The following PDK1 variants were observed in gnomAD, a reference collection of about 807,000 sequenced individuals.
PDK1 encodes the protein pyruvate dehydrogenase kinase 1, also known as [Pyruvate dehydrogenase (acetyl-transferring)] kinase isozyme 1, mitochondrial.
A neutral mutation model predicts 54.2 loss-of-function variants in PDK1; 39 were observed. The observed-to-expected ratio is 0.72, with a 90% CI of 0.56 to 0.94. PDK1 has a LOEUF of 0.94. Ranked by LOEUF, PDK1 falls within the 40% of genes least tolerant of loss-of-function variation. The pLI, the probability that PDK1 is intolerant of heterozygous loss-of-function variation, is 0.00. For synonymous variants in PDK1, 221 were observed against 207.1 expected (o/e 1.07, Z -0.58); for missense variants, 552 against 566.0 (o/e 0.98, Z 0.25).
the PDK1 span, among the ~76,000 whole-genome samples, chr2:172,700,438 A>C: frequency 6.7e-6 from 1 of 149,894 alleles, no homozygotes; most frequent in Non-Finnish European, 1.5e-5. Context: ...CCCACATCCC[A>C]GACGATGGGC....
At chr2:172,656,179 A>G in the PDK1 span, among the ~76,000 whole-genome samples, 2 of 152,226 alleles carry the variant, frequency 1.3e-5, no homozygotes, top group African/African-American at 4.8e-5. Flanking sequence ...TGGTTTCAGA[A>G]TCTCTAAGTA....
the PDK1 span, among the ~76,000 whole-genome samples, chr2:172,626,691 G>T: frequency 6.6e-6 from 1 of 152,032 alleles, no homozygotes; most frequent in Non-Finnish European, 1.5e-5. Context: ...CTTCTCAGTA[G>T]GCTGAGGTGG....
At chr2:172,686,420 C>T in the PDK1 span, among the ~76,000 whole-genome samples, 1 of 152,048 alleles carries the variant, frequency 6.6e-6, no homozygotes, top group Admixed American at 6.6e-5. Flanking sequence ...TGTAAAAACA[C>T]CAATTAGCGC....
chr2:172,621,740 GTC>G, the PDK1 span, among the ~76,000 whole-genome samples: 666 of 141,586 alleles, frequency 4.7e-3, 22 homozygotes, highest in African/African-American at 0.017. Flanking sequence ...TCTCATATAT[GTC>G]ATATATGTTT....
chr2:172,719,307 T>G, the PDK1 span, among the ~76,000 whole-genome samples: 334 of 152,332 alleles, frequency 2.2e-3, 1 homozygote, highest in Admixed American at 1.6e-3. Context: ...AAAATAGGTT[T>G]TTATTTCTCT....
chr2:172,618,026 A>G, the PDK1 span, among the ~76,000 whole-genome samples: 1 of 152,210 alleles, frequency 6.6e-6, no homozygotes, highest in Admixed American at 6.5e-5. Context: ...ATTGTAATAG[A>G]TATGATTTAA....
chr2:172,645,260 CTTTTTTTTT>C, the PDK1 span, among the ~76,000 whole-genome samples: 9 of 51,130 alleles, frequency 1.8e-4, no homozygotes, highest in East Asian at 8.8e-4. Flanking sequence ...ACAAAATAGG[CTTTTTTTTT>C]TTTTTTTTTT....
chr2:172,690,047 T>A, the PDK1 span, among the ~76,000 whole-genome samples: 241 of 150,218 alleles, frequency 1.6e-3, 32 homozygotes, highest in Admixed American at 0.014. Flanking sequence ...AGAAACTACC[T>A]TCAGAGTGAA....
In PDK1 at chr2:172,558,799, C is replaced by T. The variant is rs1489207032; in HGVS notation, c.288C>T (p.Leu96=). The T allele has an allele frequency of 6.2e-7, 1 of 1,611,912 alleles. No homozygotes were observed. Among genetic ancestry groups the T allele is most frequent in the African/African-American group, 1.3e-5 (1 of 74,894 alleles). ...CAAATATAATGAAAGAAATAAGTCT[C>T]CTTCCAGATAATCTTCTCAGGACAC... ...RLANIMKEIS[L]LPDNLLRTPS... The change falls in exon 2 of 11, where the codon CTC becomes CTT. Residue 96 remains leucine, a synonymous_variant. Transcript: ENST00000282077.
chr2:172,652,386 G>A, the PDK1 span, among the ~76,000 whole-genome samples: 2 of 152,128 alleles, frequency 1.3e-5, no homozygotes, highest in Non-Finnish European at 2.9e-5. Context: ...AAAACTGGAA[G>A]CATTCCCTTT....
At chr2:172,559,994 A>G (rs1014625828) in intron 2 of PDK1, among the ~76,000 whole-genome samples, 10 of 152,028 alleles carry the variant, frequency 6.6e-5, no homozygotes, top group African/African-American at 2.4e-4. Flanking sequence ...CCACAAGTGC[A>G]TGCCACACCC....
chr2:172,565,823 T>G (rs945792679), intron 5 of PDK1, among the ~76,000 whole-genome samples: 2 of 152,234 alleles, frequency 1.3e-5, no homozygotes, highest in African/African-American at 4.8e-5. Flanking sequence ...ATCTTGCTGT[T>G]CAGTACATCT....
chr2:172,707,556 T>C, the PDK1 span, among the ~76,000 whole-genome samples: 7 of 152,218 alleles, frequency 4.6e-5, no homozygotes, highest in Non-Finnish European at 8.8e-5. Context: ...GTCTGGGATA[T>C]ACAAGACTAA....
chr2:172,622,242 G>GATGTTTATATCTCATATTATGTGAGAT, the PDK1 span, among the ~76,000 whole-genome samples: 8,682 of 116,930 alleles, frequency 0.074, 1,139 homozygotes, highest in African/African-American at 0.21. Context: ...TATTATGTGA[G>GATGTTTATATCTCATATTATGTGAGAT]ATGTTTATAT....
At chr2:172,668,878 C>CACACACACAG in the PDK1 span, among the ~76,000 whole-genome samples, 4 of 64,598 alleles carry the variant, frequency 6.2e-5, no homozygotes, top group Non-Finnish European at 1.3e-4. Flanking sequence ...TATGTACACA[C>CACACACACAG]ACACACACAC....
the PDK1 span, among the ~76,000 whole-genome samples, chr2:172,617,545 T>G: frequency 1.3e-5 from 2 of 152,074 alleles, no homozygotes. Flanking sequence ...CTGTGTCATC[T>G]GAGGGGAGGA....
chr2:172,723,748 G>A, the PDK1 span: 1 of 152,184 alleles, frequency 6.6e-6, no homozygotes, highest in African/African-American at 2.4e-5. Context: ...GAAAATCATA[G>A]AAGAGTTTCC....
At chr2:172,661,077 C>G in the PDK1 span, among the ~76,000 whole-genome samples, 2 of 152,088 alleles carry the variant, frequency 1.3e-5, no homozygotes, top group African/African-American at 4.8e-5. Context: ...GAGGGACCTA[C>G]AAGGTGAGGA....
At chr2:172,721,506 T>G in the PDK1 span, among the ~76,000 whole-genome samples, 8 of 152,096 alleles carry the variant, frequency 5.3e-5, no homozygotes, top group African/African-American at 1.9e-4. Context: ...CCTGGCTAAT[T>G]TTTATATTTT....
Sources: allele counts gnomAD v4.1 joint callset (sites outside exome capture counted in the v4.1 genomes callset), GRCh38; gene constraint gnomAD v4.1.1; transcripts MANE v1.5; gene names NCBI Gene and HGNC (gene_info 2026-07-23, HGNC 2026-07-21).